Variants in TRIP12 observed in about 807,000 individuals in gnomAD.
The protein encoded by TRIP12 is E3 ubiquitin-protein ligase TRIP12.
A neutral mutation model predicts 244.2 loss-of-function variants in TRIP12; 25 were observed. The ratio of observed to expected loss-of-function variants is 0.10; its 90% CI spans 0.07 to 0.14. TRIP12 has a LOEUF of 0.14. Among genes scored for constraint, TRIP12 ranks in the 10% least tolerant of loss-of-function variants. The probability of loss-of-function intolerance (pLI) is 1.00; values close to 1 mark genes in which losing one functional copy is unlikely to be tolerated. For synonymous variants in TRIP12, 905 were observed against 873.1 expected (o/e 1.04, Z -0.64); for missense variants, 1,677 against 2,486.4 (o/e 0.67, Z 6.92).
intron 26 of TRIP12, chr2:229,794,911 T>C (rs2042434040): frequency 4.1e-6 from 1 of 246,694 alleles, no homozygotes; most frequent in African/African-American, 2.2e-5. Flanking sequence ...CTGAAGTGTA[T>C]CAATTTAAGG....
At chr2:229,789,032 A>C (rs2040762224) in intron 31 of TRIP12, 92 bp from the exon 32 acceptor site, 2 of 1,205,308 alleles carry the variant, frequency 1.7e-6, no homozygotes, top group Middle Eastern at 2.8e-4. Flanking sequence ...GTCCATGCAA[A>C]GTACCCTGAA....
chr2:229,917,342 T>C (rs187200125), intron 1 of TRIP12, among the ~76,000 whole-genome samples: 10 of 114,280 alleles, frequency 8.8e-5, no homozygotes, highest in East Asian at 3.0e-4. Context: ...GATCGCGCCA[T>C]TGCACTCCAC....
intron 1 of TRIP12, among the ~76,000 whole-genome samples, chr2:229,881,681 T>TA (rs1367549020): frequency 2.0e-5 from 3 of 152,130 alleles, no homozygotes; most frequent in African/African-American, 7.2e-5. Context: ...TAAATACAAT[T>TA]AAACATTAAA....
chr2:229,784,903 A>G (rs918892567), intron 34 of TRIP12, among the ~76,000 whole-genome samples: 1 of 152,252 alleles, frequency 6.6e-6, no homozygotes, highest in Non-Finnish European at 1.5e-5. Flanking sequence ...TTACCAAATG[A>G]CTTAGCAATT....
chr2:229,880,847 G>C (rs1384989556), intron 1 of TRIP12, among the ~76,000 whole-genome samples: 2 of 152,184 alleles, frequency 1.3e-5, no homozygotes, highest in African/African-American at 2.4e-5. Flanking sequence ...GGGAGGCTGA[G>C]GCAGGAGAAT....
intron 21 of TRIP12, among the ~76,000 whole-genome samples, chr2:229,799,878 G>A (rs1178614394): frequency 6.6e-6 from 1 of 152,110 alleles, no homozygotes; most frequent in Non-Finnish European, 1.5e-5. Context: ...CACAGCAAAT[G>A]ATTATTCAGA....
chr2:229,765,219 C>T lies in TRIP12; in HGVS notation c.*2335G>A, dbSNP rs1327561996. The T allele has an allele frequency of 1.3e-5, 2 of 152,164 alleles. No individual in the cohort carries two copies. The highest frequency in any genetic ancestry group is 2.4e-5 in the African/African-American group (1 of 41,434). The allele number at this position is 152,164 out of a possible 1,614,324, so 9.4% of individuals were successfully genotyped here. On this transcript the variant is annotated 3_prime_UTR_variant, in exon 42 of 42. Coordinates refer to ENST00000675903, the MANE Select transcript of TRIP12 (RefSeq NM_001348323.3). ...CTCCATCTCAGCAAAAAATAAAGGA[C>T]AACAAAATCTCAGTTGTTACCCAAC...
At chr2:229,920,937 T>C (rs977636483) in intron 1 of TRIP12, among the ~76,000 whole-genome samples, 2 of 152,130 alleles carry the variant, frequency 1.3e-5, no homozygotes, top group African/African-American at 2.4e-5. Context: ...TTGTAAATAA[T>C]AGGTTTTATG....
chr2:229,844,427 A>C (rs538877780), intron 4 of TRIP12, among the ~76,000 whole-genome samples: 1 of 152,310 alleles, frequency 6.6e-6, no homozygotes, highest in African/African-American at 2.4e-5. Context: ...TAGACAACTG[A>C]ATAATAAATC....
At chr2:229,878,838 T>A (rs1403177135) in intron 2 of TRIP12, among the ~76,000 whole-genome samples, 1 of 151,870 alleles carries the variant, frequency 6.6e-6, no homozygotes, top group Admixed American at 6.5e-5. Flanking sequence ...CACCTTGGCC[T>A]CCCAAAGTGC....
At chr2:229,895,445 G>A (rs546898555) in intron 1 of TRIP12, among the ~76,000 whole-genome samples, 5 of 151,796 alleles carry the variant, frequency 3.3e-5, no homozygotes, top group Non-Finnish European at 5.9e-5. Context: ...GAATTTTCTA[G>A]AACCAGTAAA....
chr2:229,808,757 A>C (rs1451872925), intron 15 of TRIP12, among the ~76,000 whole-genome samples: 2 of 152,244 alleles, frequency 1.3e-5, no homozygotes, highest in Non-Finnish European at 2.9e-5. Context: ...TACTGAAAAT[A>C]TGTGGCCCAT....
At chr2:229,794,878 A>G (rs1254409136) in intron 26 of TRIP12, 2 of 189,590 alleles carry the variant, frequency 1.1e-5, no homozygotes, top group Non-Finnish European at 2.1e-5. Context: ...TTAAACATAA[A>G]GTTCTTAAGG....
At chr2:229,851,074 TC>T (rs1477099562) in intron 4 of TRIP12, among the ~76,000 whole-genome samples, 2 of 152,124 alleles carry the variant, frequency 1.3e-5, no homozygotes, top group African/African-American at 2.4e-5. Flanking sequence ...CCCAGTACCA[TC>T]GATCACCCAA....
At chr2:229,853,117 T>C (rs1389966054) in intron 4 of TRIP12, among the ~76,000 whole-genome samples, 1 of 152,200 alleles carries the variant, frequency 6.6e-6, no homozygotes, top group Non-Finnish European at 1.5e-5. Context: ...TGACCAATTA[T>C]GTCTTAGAAT....
intron 11 of TRIP12, among the ~76,000 whole-genome samples, chr2:229,814,659 T>C (rs1410816872): frequency 6.6e-6 from 1 of 152,174 alleles, no homozygotes; most frequent in African/African-American, 2.4e-5. Context: ...ATACTGCAAG[T>C]TTATCAGATA....
chr2:229,791,394 C>G lies in TRIP12; in HGVS notation c.4416-143G>C. On this transcript the variant is annotated intron_variant, in intron 29 of 41. Transcript: ENST00000675903. The stretch of plus-strand genomic sequence containing the variant: ...CTCTCCCTAGTGTGAATCTGGAGAA[C>G]TTCTTAGAAGAGATCACCTAGAGAC... The G allele has an allele frequency of 5.9e-6, 6 of 1,016,234 alleles. No homozygotes were observed. The South Asian group carries it at 8.3e-5, about 14-fold the overall frequency. 63.0% of individuals were successfully genotyped at this position (1,016,234 alleles called of 1,614,324 possible).
intron 30 of TRIP12, among the ~76,000 whole-genome samples, chr2:229,790,822 T>C (rs535015743): frequency 6.6e-6 from 1 of 152,368 alleles, no homozygotes; most frequent in Admixed American, 6.5e-5. Flanking sequence ...GTCTCTTGTT[T>C]AGTGAACATG....
chr2:229,898,741 G>C (rs975832525), intron 1 of TRIP12, among the ~76,000 whole-genome samples: 2 of 151,976 alleles, frequency 1.3e-5, no homozygotes, highest in South Asian at 2.1e-4. Context: ...ACCAAGGCTG[G>C]AGTGCAGTAG....
Sources: gnomAD v4.1 joint callset for allele counts (sites outside exome capture counted in the v4.1 genomes callset) on GRCh38, gnomAD v4.1.1 for gene constraint, MANE v1.5 for transcripts, NCBI Gene and HGNC (gene_info 2026-07-23, HGNC 2026-07-21) for gene names.